Variants in GRK5 observed in about 807,000 individuals in gnomAD.
GRK5 encodes the protein G protein-coupled receptor kinase 5.
In GRK5, 40 loss-of-function variants were observed where a neutral mutation model predicts 78.4. That is an observed-to-expected ratio of 0.51 (90% confidence interval 0.40 to 0.66). GRK5 has a LOEUF of 0.66. GRK5 is among the 30% of genes least tolerant of loss of function. The pLI is 0.00. For missense variants in GRK5, 598 were observed against 759.9 expected (o/e 0.79, Z 2.50); for synonymous variants, 289 against 296.8 (o/e 0.97, Z 0.27).
chr10:119,365,101 G>A (rs1851424247), intron 2 of GRK5, among the ~76,000 whole-genome samples: 1 of 152,214 alleles, frequency 6.6e-6, no homozygotes, highest in Non-Finnish European at 1.5e-5. Flanking sequence ...GGCTGAGACA[G>A]AGCTTACAAG....
intron 9 of GRK5, among the ~76,000 whole-genome samples, chr10:119,438,367 C>T (rs903229210): frequency 3.3e-5 from 5 of 152,160 alleles, no homozygotes; most frequent in South Asian, 2.1e-4. Flanking sequence ...ACCCCCTGCT[C>T]GGTCCTGGCA....
chr10:119,385,476 A>C (rs1410849988), intron 3 of GRK5, among the ~76,000 whole-genome samples: 1 of 152,082 alleles, frequency 6.6e-6, no homozygotes, highest in African/African-American at 2.4e-5. Flanking sequence ...TGTTGGGAGC[A>C]GGCTTTGAGG....
In GRK5 at chr10:119,448,178, A is replaced by C; in HGVS notation, c.1322A>C (p.Glu441Ala). Reference sequence around the variant, plus strand: ...GGCTGCCAGGAGGAGGGGGCTGCAGAGGTCAAGAGACACCCCTTCTTCAGG... The same window carrying C: ...GGCTGCCAGGAGGAGGGGGCTGCAGCGGTCAAGAGACACCCCTTCTTCAGG... ...RLGCQEEGAA[E>A]VKRHPFFRNM... Residue 441 changes from glutamate to alanine, a missense_variant, in exon 13 of 16, where the codon GAG becomes GCG. By Grantham distance (107) the Glu-to-Ala change is moderately radical (BLOSUM62 -1). Transcript: ENST00000392870. 1 of 1,581,980 alleles carries C rather than the reference A, an allele frequency of 6.3e-7. No individual in the cohort carries two copies.
intron 2 of GRK5, among the ~76,000 whole-genome samples, chr10:119,342,253 G>A (rs906927950): frequency 2.0e-5 from 3 of 152,332 alleles, no homozygotes; most frequent in South Asian, 2.1e-4. Flanking sequence ...GGCATGTGGC[G>A]GGTCAGTTGG....
At chr10:119,211,454 G>A (rs1023261257) in intron 1 of GRK5, 3 of 152,142 alleles carry the variant, frequency 2.0e-5, no homozygotes, top group African/African-American at 4.8e-5. Flanking sequence ...TTGCAGTAAA[G>A]GTTTTTGTGT....
intron 2 of GRK5, among the ~76,000 whole-genome samples, chr10:119,359,348 C>T (rs867251446): frequency 3.1e-4 from 47 of 152,212 alleles, no homozygotes; most frequent in African/African-American, 1.1e-3. Flanking sequence ...AGCTGTTTTC[C>T]AGGAGCCACT....
Position 119,394,657 on chromosome 10 carries a change from GTGTA to G in GRK5, c.262-2036_262-2033del, listed in dbSNP as rs1564917851. ...TGTGTGTGGGTGTGTGTGTGGGTGT[GTGTA>G]TCTGTGTCTGTGGGCACGTGTGTGT... On this transcript the variant is annotated intron_variant, in intron 3 of 15. Coordinates refer to ENST00000392870, the MANE Select transcript of GRK5 (RefSeq NM_005308.3). Among the ~76,000 whole-genome samples, 2 of 6,192 alleles carry G rather than the reference GTGTA, an allele frequency of 3.2e-4. 1 individual carries two copies. The allele number at this position is 6,192 out of a possible 152,430, so 4.1% of individuals were successfully genotyped here.
chr10:119,448,468 A>T (rs984404048), intron 13 of GRK5, among the ~76,000 whole-genome samples: 1 of 152,244 alleles, frequency 6.6e-6, no homozygotes, highest in Non-Finnish European at 1.5e-5. Flanking sequence ...GGGAGCCCAC[A>T]TTGGCTGTCC....
Position 119,455,700 on chromosome 10 carries a change from G to A in GRK5, c.*633G>A, listed in dbSNP as rs976072931. 3.0e-5 allele frequency: 7 copies of A among 234,762 alleles called. No individual in the cohort carries two copies. The highest frequency in any genetic ancestry group is 1.1e-4 in the South Asian group (2 of 18,904). 14.5% of individuals were successfully genotyped at this position (234,762 alleles called of 1,614,324 possible). A position where few individuals can be genotyped will look rare whatever the true frequency, so the allele number is the denominator to read the frequency against. On this transcript the variant is annotated 3_prime_UTR_variant, in exon 16 of 16. Coordinates refer to ENST00000392870, the MANE Select transcript of GRK5 (RefSeq NM_005308.3). ...CTCACATTGGTGTCACCCTTCTGTCGGCTTGGAACAATCTGAATTAAATGT... is the reference window on the plus strand; with the variant it reads ...CTCACATTGGTGTCACCCTTCTGTCAGCTTGGAACAATCTGAATTAAATGT...
chr10:119,427,636 T>TCACCACCATCAACAGCATCACCACC (rs1852723275), intron 6 of GRK5, among the ~76,000 whole-genome samples: 7 of 121,964 alleles, frequency 5.7e-5, no homozygotes, highest in African/African-American at 1.4e-4. Flanking sequence ...GCATCACTGC[T>TCACCACCATCAACAGCATCACCACC]ATCATCAGTA....
chr10:119,260,002 A>G (rs1447019262), intron 1 of GRK5, among the ~76,000 whole-genome samples: 2 of 151,564 alleles, frequency 1.3e-5, no homozygotes, highest in Non-Finnish European at 2.9e-5. Context: ...TCTTGAGATC[A>G]GTTGTTTTTT....
intron 1 of GRK5, among the ~76,000 whole-genome samples, chr10:119,307,567 T>A (rs1376494977): frequency 1.3e-5 from 2 of 152,166 alleles, no homozygotes; most frequent in Non-Finnish European, 2.9e-5. Context: ...AGAGGTGGCC[T>A]GTAGATTCTC....
intron 1 of GRK5, among the ~76,000 whole-genome samples, chr10:119,223,705 AAT>A (rs978518036): frequency 1.3e-5 from 2 of 148,244 alleles, no homozygotes; most frequent in East Asian, 1.9e-4. Context: ...TATCTATAAT[AAT>A]ATATATATAT....
chr10:119,231,555 A>G lies in GRK5; in HGVS notation c.52+23586A>G, dbSNP rs569641462. 4.6e-5 allele frequency among the ~76,000 whole-genome samples: 7 copies of G among 151,846 alleles called. No individual in the cohort carries two copies. The East Asian group carries it at 1.4e-3, about 29-fold the overall frequency. On this transcript the variant is annotated intron_variant, in intron 1 of 15. Coordinates refer to ENST00000392870, the MANE Select transcript of GRK5 (RefSeq NM_005308.3). ...ACCTTGTCTCTACTAAAAATAAAAA[A>G]AATTAGCTGGGCGTGGTGGTGGATG...
At chr10:119,212,707 C>G (rs936122958) in intron 1 of GRK5, 1 of 152,140 alleles carries the variant, frequency 6.6e-6, no homozygotes, top group Non-Finnish European at 1.5e-5. Flanking sequence ...TACCAAAAGG[C>G]ATTATTGTCA....
chr10:119,233,200 C>T (rs1420640477), intron 1 of GRK5, among the ~76,000 whole-genome samples: 2 of 152,166 alleles, frequency 1.3e-5, no homozygotes, highest in East Asian at 1.9e-4. Flanking sequence ...ACATCTACCC[C>T]CTCTTCTTCT....
At chr10:119,383,606 G>GT (rs1356927103) in intron 3 of GRK5, among the ~76,000 whole-genome samples, 5 of 152,216 alleles carry the variant, frequency 3.3e-5, no homozygotes, top group African/African-American at 7.2e-5. Context: ...TCCAGTAGCA[G>GT]TAACTATTTT....
In GRK5 at chr10:119,431,882, G is replaced by T. The variant is rs1208878546; in HGVS notation, c.738+355G>T. 6.6e-6 allele frequency among the ~76,000 whole-genome samples: 1 copy of T among 152,230 alleles called. No homozygotes were observed. Among genetic ancestry groups the T allele is most frequent in the Non-Finnish European group, 1.5e-5 (1 of 68,038 alleles). On this transcript the variant is annotated intron_variant, in intron 8 of 15. Transcript: ENST00000392870. This position sits in a 1 kb window ranked among gnomAD's most constrained non-coding sequence, Gnocchi z 4.8. The stretch of plus-strand genomic sequence containing the variant: ...TGGGTTCCACAGACCCTCTAGGCTG[G>T]TGCCATCGTGGTGGGGACCTTAGTG...
chr10:119,300,116 T>A (rs2133719834), intron 1 of GRK5, among the ~76,000 whole-genome samples: 1 of 152,236 alleles, frequency 6.6e-6, no homozygotes, highest in Non-Finnish European at 1.5e-5. Flanking sequence ...CTTAAAATGT[T>A]GTTCTCCCTA....
Sources: allele counts gnomAD v4.1 joint callset (sites outside exome capture counted in the v4.1 genomes callset), GRCh38; gene constraint gnomAD v4.1.1; non-coding constraint Gnocchi (gnomAD v3.1); transcripts MANE v1.5; gene names NCBI Gene and HGNC (gene_info 2026-07-23, HGNC 2026-07-21).